The following RIPK1 variants were observed in gnomAD, a reference collection of about 807,000 sequenced individuals.
RIPK1 encodes receptor interacting serine/threonine kinase 1.
A neutral mutation model predicts 62.4 loss-of-function variants in RIPK1; 27 were observed. The observed-to-expected ratio is 0.43, with a 90% CI of 0.32 to 0.60. The LOEUF is 0.60. Among genes scored for constraint, RIPK1 ranks in the 20% least tolerant of loss-of-function variants. The probability of loss-of-function intolerance (pLI) is 0.07; values close to 1 mark genes in which losing one functional copy is unlikely to be tolerated. For synonymous variants in RIPK1, 287 were observed against 303.2 expected (o/e 0.95, Z 0.55); for missense variants, 735 against 831.0 (o/e 0.88, Z 1.42).
intron 6 of RIPK1, among the ~76,000 whole-genome samples, chr6:3,087,262 C>T (rs986828897): frequency 2.0e-4 from 30 of 152,000 alleles, no homozygotes; most frequent in Non-Finnish European, 8.8e-5. Flanking sequence ...AGGTTTATGC[C>T]TCTTAAACCA....
Position 3,080,967 on chromosome 6 carries a change from C to T in RIPK1, c.322-12C>T, listed in dbSNP as rs1759346347. The T allele has an allele frequency of 1.2e-6, 2 of 1,611,794 alleles. No individual in the cohort carries two copies. Among genetic ancestry groups the T allele is most frequent in the South Asian group, 2.2e-5 (2 of 90,950 alleles). On this transcript the variant is annotated splice_polypyrimidine_tract_variant and intron_variant, in intron 3 of 10. Transcript: ENST00000259808. ...CCTTTCCATTTCATAGACTTAATAT[C>T]ACTTGTTTTAGATGAGTACTCCGCT... is the stretch of plus-strand genomic sequence containing the variant.
chr6:3,100,701 G>A (rs778780044), intron 7 of RIPK1, among the ~76,000 whole-genome samples: 6 of 151,668 alleles, frequency 4.0e-5, no homozygotes, highest in South Asian at 2.1e-4. Flanking sequence ...AGTGATTCTC[G>A]TGCCTCAGCC....
intron 3 of RIPK1, 67 bp from the exon 4 acceptor site, chr6:3,080,912 A>G: frequency 2.0e-6 from 3 of 1,519,462 alleles, no homozygotes; most frequent in Non-Finnish European, 2.7e-6. Context: ...CCACCCTTTC[A>G]TGAAACAGTT....
intron 5 of RIPK1, 43 bp downstream of exon 5, chr6:3,083,356 A>G: frequency 2.6e-6 from 4 of 1,518,652 alleles, no homozygotes; most frequent in Non-Finnish European, 3.6e-6. Flanking sequence ...CTCAGCATCT[A>G]CACGCACTGT....
At chr6:3,073,598 C>T (rs910561931) in intron 1 of RIPK1, among the ~76,000 whole-genome samples, 3 of 152,124 alleles carry the variant, frequency 2.0e-5, no homozygotes, top group African/African-American at 4.8e-5. Context: ...GTAGTTGTTT[C>T]CTGAGGCACT....
At chr6:3,109,166 C>T (rs1001796724) in intron 9 of RIPK1, among the ~76,000 whole-genome samples, 2 of 152,170 alleles carry the variant, frequency 1.3e-5, no homozygotes, top group Admixed American at 6.5e-5. Context: ...GCCCTTGGGA[C>T]TCACATTCTA....
Position 3,072,404 on chromosome 6 carries a change from TA to T in RIPK1, c.-61+3747del, listed in dbSNP as rs59069498. 1.4e-5 allele frequency among the ~76,000 whole-genome samples: 2 copies of T among 145,918 alleles called. No individual in the cohort carries two copies. The highest frequency in any genetic ancestry group is 2.2e-4 in the South Asian group (1 of 4,554). On this transcript the variant is annotated intron_variant, in intron 1 of 10. Transcript: ENST00000259808. This position sits in a 1 kb window ranked among gnomAD's most constrained non-coding sequence, Gnocchi z 5.6. ...TTATCTATTTACATATATATATATA[TA>T]AAACACACACAAATGTGAATATAAT... is the stretch of plus-strand genomic sequence containing the variant.
At chr6:3,088,224 G>A (rs569714749) in intron 6 of RIPK1, among the ~76,000 whole-genome samples, 1 of 152,350 alleles carries the variant, frequency 6.6e-6, no homozygotes, top group East Asian at 1.9e-4. Context: ...GCTGGGTAGA[G>A]GTAGAAGTTC....
chr6:3,108,504 G>A (rs778582666), intron 9 of RIPK1, among the ~76,000 whole-genome samples: 17 of 152,264 alleles, frequency 1.1e-4, no homozygotes, highest in African/African-American at 2.4e-4. Flanking sequence ...ATGTAAGCCC[G>A]CGGTGAGCGC....
intron 1 of RIPK1, among the ~76,000 whole-genome samples, chr6:3,071,559 T>C (rs1758713040): frequency 6.6e-6 from 1 of 152,250 alleles, no homozygotes. Flanking sequence ...CTAAATTCAC[T>C]GTTTTTGTAT....
intron 6 of RIPK1, among the ~76,000 whole-genome samples, chr6:3,086,382 G>T (rs1759692389): frequency 6.6e-6 from 1 of 152,178 alleles, no homozygotes; most frequent in Admixed American, 6.5e-5. Flanking sequence ...TTTTCCCAGA[G>T]GGGCTGTGCC....
At position 3,106,001 on chromosome 6, in the gene RIPK1, A is replaced by G. The variant is rs1561774826; in HGVS notation, c.1526A>G (p.Asn509Ser). The G allele has an allele frequency of 2.5e-6, 4 of 1,613,764 alleles. No homozygotes were observed. The highest frequency in any genetic ancestry group is 3.4e-6 in the Non-Finnish European group (4 of 1,179,652). Residue 509 changes from asparagine (N) to serine (S), a missense_variant, in exon 9 of 11, where the codon AAC (asparagine) becomes AGC (serine). Transcript: ENST00000259808. ...SLHNIPVPETNYLGNTPTMPF... is the reference protein window; with the variant it reads ...SLHNIPVPETSYLGNTPTMPF... ...CATAATATCCCAGTGCCTGAGACCA[A>G]CTATCTAGGAAATACACCCACCATG... is the stretch of plus-strand genomic sequence containing the variant.
chr6:3,113,394 G>A lies in RIPK1; in HGVS notation c.*55G>A. On this transcript the variant is annotated 3_prime_UTR_variant, in exon 11 of 11. Coordinates refer to ENST00000259808, the MANE Select transcript of RIPK1 (RefSeq NM_001354930.2). This position sits in a 1 kb window ranked among gnomAD's most constrained non-coding sequence, Gnocchi z 5.0. The stretch of plus-strand genomic sequence containing the variant: ...ACGCCTCACTTAGTGGATAACCCCA[G>A]AAAGTTGGCTGCCTCAGAGCATTCA... 6.5e-7 allele frequency: 1 copy of A among 1,540,948 alleles called. No individual in the cohort carries two copies. Among genetic ancestry groups the A allele is most frequent in the South Asian group, 1.2e-5 (1 of 83,614 alleles).
intron 7 of RIPK1, among the ~76,000 whole-genome samples, chr6:3,090,834 GCCGCACCTAGTAACCGCAGAGTA>G (rs1760032465): frequency 8.4e-6 from 1 of 119,026 alleles, no homozygotes; most frequent in African/African-American, 5.3e-5. Context: ...GCACCTACCT[GCCGCACCTAGTAACCGCAGAGTA>G]CCTACCTGCC....
At chr6:3,085,435 G>C (rs1561757098) in intron 6 of RIPK1, 27 bp downstream of exon 6, 2 of 1,611,136 alleles carry the variant, frequency 1.2e-6, no homozygotes, top group Non-Finnish European at 1.7e-6. Flanking sequence ...TGACTGTGTA[G>C]GATGCATCCT....
upstream of RIPK1, among the ~76,000 whole-genome samples, chr6:3,067,051 A>ATTTTTTT (rs36132424): frequency 0.031 from 1,807 of 58,842 alleles, 51 homozygotes; most frequent in Non-Finnish European, 0.036. Context: ...TTGCTCCAGG[A>ATTTTTTT]TTTTTTTTTT....
chr6:3,065,219 TGCACTCCA>T (rs375650237), upstream of RIPK1, among the ~76,000 whole-genome samples: 173 of 127,724 alleles, frequency 1.4e-3, no homozygotes, highest in Middle Eastern at 5.3e-3. Context: ...ATCGCGCCAC[TGCACTCCA>T]GCACTCCAGC....
chr6:3,071,806 T>G (rs1758726689), intron 1 of RIPK1, among the ~76,000 whole-genome samples: 1 of 152,068 alleles, frequency 6.6e-6, no homozygotes, highest in Non-Finnish European at 1.5e-5. Context: ...CTTCCCAAAC[T>G]CCACCGCACA....
intron 7 of RIPK1, among the ~76,000 whole-genome samples, chr6:3,096,849 G>A (rs763730913): frequency 1.3e-5 from 2 of 149,330 alleles, no homozygotes; most frequent in East Asian, 2.0e-4. Flanking sequence ...GTGAGGCACC[G>A]TGCCCAGCCA....
Sources: allele counts gnomAD v4.1 joint callset (sites outside exome capture counted in the v4.1 genomes callset), GRCh38; gene constraint gnomAD v4.1.1; non-coding constraint Gnocchi (gnomAD v3.1); transcripts MANE v1.5; gene names NCBI Gene and HGNC (gene_info 2026-07-23, HGNC 2026-07-21).